Variants in ZDHHC15 observed in about 807,000 individuals in gnomAD.
The protein encoded by ZDHHC15 is palmitoyltransferase ZDHHC15.
ZDHHC15 carries 19 observed loss-of-function variants against 31.7 expected under a neutral mutation model. The ratio of observed to expected loss-of-function variants is 0.60; its 90% CI spans 0.42 to 0.88. The LOEUF is 0.88. Ranked by LOEUF, ZDHHC15 falls within the 40% of genes least tolerant of loss-of-function variation. The pLI is 0.00. For synonymous variants in ZDHHC15, 103 were observed against 90.0 expected (o/e 1.14, Z -0.82); for missense variants, 209 against 251.2 (o/e 0.83, Z 1.14).
At chrX:75,503,373 A>G (rs1392920260) in intron 2 of ZDHHC15, among the ~76,000 whole-genome samples, 1 of 111,193 alleles carries the variant, frequency 9.0e-6, no homozygotes, top group East Asian at 2.8e-4. Flanking sequence ...AGGAATTATA[A>G]TCCTGAAATA....
At chrX:75,474,940 G>A (rs976934242) in intron 3 of ZDHHC15, among the ~76,000 whole-genome samples, 5 of 109,695 alleles carry the variant, frequency 4.6e-5, no homozygotes, top group African/African-American at 6.6e-5. Context: ...GGTGCCTGTG[G>A]TCCCAGCTAC....
At chrX:75,444,673 T>C (rs866183466) in intron 4 of ZDHHC15, among the ~76,000 whole-genome samples, 15 of 44,080 alleles carry the variant, frequency 3.4e-4, no homozygotes, top group East Asian at 1.9e-3. Flanking sequence ...TATATATATA[T>C]ATATATATAT....
chrX:75,375,783 C>A (rs985568557), intron 11 of ZDHHC15, among the ~76,000 whole-genome samples: 1 of 111,889 alleles, frequency 8.9e-6, no homozygotes, highest in South Asian at 3.7e-4. Flanking sequence ...TATACATGTA[C>A]CACATTTTCT....
intron 4 of ZDHHC15, among the ~76,000 whole-genome samples, chrX:75,446,165 G>T (rs2084031519): frequency 8.9e-6 from 1 of 112,054 alleles, no homozygotes; most frequent in African/African-American, 3.2e-5. Flanking sequence ...AAAACATAAA[G>T]TTGAATCTGG....
intron 8 of ZDHHC15, among the ~76,000 whole-genome samples, chrX:75,423,130 T>A (rs969125840): frequency 1.8e-5 from 2 of 108,560 alleles, no homozygotes; most frequent in African/African-American, 6.7e-5. Context: ...AATCTTCCTG[T>A]CTCAGCTTAC....
At chrX:75,400,762 C>A (rs1330445243) in intron 10 of ZDHHC15, among the ~76,000 whole-genome samples, 1 of 111,303 alleles carries the variant, frequency 9.0e-6, no homozygotes, top group Non-Finnish European at 1.9e-5. Flanking sequence ...AAGGGATCCC[C>A]ATCAGGCTAA....
chrX:75,423,301 C>A (rs1211283634), intron 8 of ZDHHC15, among the ~76,000 whole-genome samples: 1 of 108,358 alleles, frequency 9.2e-6, no homozygotes, highest in Non-Finnish European at 1.9e-5. Flanking sequence ...AGGTACTAAG[C>A]ATAGTACCCG....
intron 3 of ZDHHC15, among the ~76,000 whole-genome samples, chrX:75,459,125 C>A (rs1168913307): frequency 9.1e-6 from 1 of 109,950 alleles, no homozygotes; most frequent in Admixed American, 9.7e-5. Context: ...TGATCCCATG[C>A]CACCAGGGCC....
chrX:75,378,954 A>T (rs998959231), intron 11 of ZDHHC15, among the ~76,000 whole-genome samples, 166 bp downstream of exon 11: 16 of 111,297 alleles, frequency 1.4e-4, no homozygotes, highest in African/African-American at 5.2e-4. Context: ...GCACACTGCC[A>T]AGGGAAATTA....
At chrX:75,514,653 C>G (rs2085328159) in intron 1 of ZDHHC15, among the ~76,000 whole-genome samples, 1 of 111,540 alleles carries the variant, frequency 9.0e-6, no homozygotes. Context: ...GAAACTATGA[C>G]AGATTGCACC....
chrX:75,439,224 C>T (rs1237373776), intron 4 of ZDHHC15, among the ~76,000 whole-genome samples: 2 of 111,617 alleles, frequency 1.8e-5, no homozygotes, highest in African/African-American at 6.5e-5. Context: ...GGACATTTTC[C>T]TCGGTTTTTC....
rs189949172 is a variant in ZDHHC15 at position 75,402,017 on chromosome X, G to T, written c.967+15070C>A. Among the ~76,000 whole-genome samples the T allele has an allele frequency of 3.0e-4, 34 of 111,977 alleles. No homozygotes were observed. In the East Asian group the frequency reaches 9.6e-3, roughly 31 times the overall value. ...AAAACAATCCTCAACAAAAGTAAAA[G>T]AATGAAAATCTTACAAAACACACTC... On this transcript the variant is annotated intron_variant, in intron 10 of 11. Coordinates refer to ENST00000373367, the MANE Select transcript of ZDHHC15 (RefSeq NM_144969.3).
chrX:75,378,199 C>T (rs996543602), intron 11 of ZDHHC15, among the ~76,000 whole-genome samples: 1 of 112,005 alleles, frequency 8.9e-6, no homozygotes, highest in African/African-American at 3.2e-5. Context: ...CCTAGGTTGG[C>T]CACTTACTAC....
At chrX:75,483,323 G>A (rs1194980335) in intron 2 of ZDHHC15, among the ~76,000 whole-genome samples, 1 of 110,438 alleles carries the variant, frequency 9.1e-6, no homozygotes, top group East Asian at 2.9e-4. Context: ...TGGGCCAGGC[G>A]TGGTGGTTCA....
intron 1 of ZDHHC15, among the ~76,000 whole-genome samples, chrX:75,510,718 C>A (rs1167113779): frequency 5.1e-5 from 4 of 77,735 alleles, no homozygotes; most frequent in South Asian, 8.5e-4. Flanking sequence ...CAATGCTATC[C>A]CTCCCCCATC....
At chrX:75,495,338 G>C (rs1227756376) in intron 2 of ZDHHC15, among the ~76,000 whole-genome samples, 1 of 111,831 alleles carries the variant, frequency 8.9e-6, no homozygotes, top group African/African-American at 3.3e-5. Context: ...TGGTGGGACT[G>C]TAAACTAGTT....
At chrX:75,432,658 TAC>T (rs1367410743) in intron 4 of ZDHHC15, among the ~76,000 whole-genome samples, 1 of 111,491 alleles carries the variant, frequency 9.0e-6, no homozygotes, top group Non-Finnish European at 1.9e-5. Flanking sequence ...AGACCTACTA[TAC>T]AGAGTAGCTG....
At chrX:75,373,012 A>G (rs1047516115) in intron 11 of ZDHHC15, 67 bp from the exon 12 acceptor site, 1 of 111,935 alleles carries the variant, frequency 8.9e-6, no homozygotes, top group African/African-American at 3.2e-5. Flanking sequence ...GGTAACACCC[A>G]CTTGACAATA....
intron 10 of ZDHHC15, chrX:75,384,859 G>A (rs1462974282): frequency 9.4e-6 from 5 of 530,995 alleles, no homozygotes; most frequent in Non-Finnish European, 1.7e-5. Context: ...AAAGACATCT[G>A]GGCTGTAAAA....
Sources: allele counts gnomAD v4.1 joint callset (sites outside exome capture counted in the v4.1 genomes callset), GRCh38; gene constraint gnomAD v4.1.1; transcripts MANE v1.5; gene names NCBI Gene and HGNC (gene_info 2026-07-23, HGNC 2026-07-21).